Variants in LITAF observed in about 807,000 individuals in gnomAD.
The protein encoded by LITAF is lipopolysaccharide-induced tumor necrosis factor-alpha factor.
LITAF carries 9 observed loss-of-function variants against 14.5 expected under a neutral mutation model. The observed-to-expected ratio is 0.62, with a 90% CI of 0.37 to 1.08. LITAF has a LOEUF of 1.08. LITAF is among the 50% of genes least tolerant of loss of function. The pLI, the probability that LITAF is intolerant of heterozygous loss-of-function variation, is 0.01. For missense variants in LITAF, 206 were observed against 213.4 expected (o/e 0.97, Z 0.22); for synonymous variants, 98 against 88.2 (o/e 1.11, Z -0.62).
At chr16:11,602,894 C>G (rs979571318), upstream of LITAF, among the ~76,000 whole-genome samples, 14 of 151,944 alleles carry the variant, frequency 9.2e-5, no homozygotes, top group South Asian at 2.1e-4. Context: ...GAGGATTGCT[C>G]GAGGCCAGGA....
Position 11,553,812 on chromosome 16 carries a change from T to C in LITAF, c.221-123A>G. On this transcript the variant is annotated intron_variant, in intron 2 of 3. Transcript: ENST00000622633. The surrounding 1 kb of genome is among the most constrained non-coding windows in gnomAD (Gnocchi z 7.7). ...TATTATATTTGTACATTTGTGTTCA[T>C]AGCATGCGTTCATCGTCTGGCTATC... The C allele has an allele frequency of 8.8e-7, 1 of 1,132,422 alleles. No homozygotes were observed. The highest frequency in any genetic ancestry group is 1.4e-5 in the South Asian group (1 of 73,046). 70.1% of individuals were successfully genotyped at this position (1,132,422 alleles called of 1,614,324 possible). A position where few individuals can be genotyped will look rare whatever the true frequency, so the allele number is the denominator to read the frequency against.
chr16:11,556,286 A>G (rs183199583), intron 2 of LITAF: 3 of 561,998 alleles, frequency 5.3e-6, no homozygotes, highest in African/African-American at 3.7e-5. Flanking sequence ...TTCGTATATG[A>G]TGACCATGGG....
rs527627067 is a variant in LITAF, at chr16:11,564,234, A to G, written c.-5-7499T>C. Among the ~76,000 whole-genome samples the G allele has an allele frequency of 7.9e-5, 12 of 152,138 alleles. 1 individual carries two copies. The South Asian group carries it at 2.5e-3, about 32-fold the overall frequency. On this transcript the variant is annotated intron_variant, in intron 1 of 3. Coordinates refer to ENST00000622633, the MANE Select transcript of LITAF (RefSeq NM_001136472.2). ...CTCAGTTTTGTTAAAAGTGGAGGCA[A>G]AAAACCCAGGAACCCGCAGGGAGAA...
At chr16:11,600,392 G>A (rs1042914146), upstream of LITAF, among the ~76,000 whole-genome samples, 4 of 152,238 alleles carry the variant, frequency 2.6e-5, no homozygotes, top group Non-Finnish European at 4.4e-5. The surrounding 1 kb of genome is among the most constrained non-coding windows in gnomAD (Gnocchi z 4.1). Context: ...CTGTGTCCCA[G>A]ATGCCTGGCA....
intron 1 of LITAF, among the ~76,000 whole-genome samples, chr16:11,594,656 G>C (rs1389724529): frequency 1.3e-5 from 2 of 152,062 alleles, no homozygotes; most frequent in Non-Finnish European, 2.9e-5. Flanking sequence ...CAGGTGGATC[G>C]CTTGAGGCTA....
rs552828740 is a variant in LITAF at position 11,629,895 on chromosome 16, A to T, written c.85+3638T>A. Among the ~76,000 whole-genome samples the T allele has an allele frequency of 2.6e-5, 4 of 152,304 alleles. No individual in the cohort carries two copies. The South Asian group carries it at 8.3e-4, about 32-fold the overall frequency. On this transcript the variant is annotated intron_variant, in intron 3 of 3. Transcript: ENST00000574848. The stretch of plus-strand genomic sequence containing the variant: ...CAGCCTGGCGCATGGCAAGTGCTCA[A>T]CAAATCATGGCTCTGCAAACATCTC...
intron 1 of LITAF, among the ~76,000 whole-genome samples, chr16:11,566,846 C>T (rs8048521): frequency 0.23 from 34,953 of 151,820 alleles, 4,286 homozygotes; most frequent in East Asian, 0.39. Context: ...GAAGGGCTTA[C>T]TCCAATAGCT....
Position 11,553,761 on chromosome 16 carries a change from G to A in LITAF, c.221-72C>T, listed in dbSNP as rs767011889. 1.6e-5 allele frequency: 25 copies of A among 1,540,666 alleles called. No individual in the cohort carries two copies. Among genetic ancestry groups the A allele is most frequent in the South Asian group, 4.5e-5 (4 of 88,730 alleles). On this transcript the variant is annotated intron_variant, in intron 2 of 3. Transcript: ENST00000622633. This position sits in a 1 kb window ranked among gnomAD's most constrained non-coding sequence, Gnocchi z 7.7. ...CCAATAGCATTCACTACAGGACAAA[G>A]AGAGGAACGCAGGGATGCCAGCAAA...
chr16:11,604,316 T>C (rs1306960312), intron 3 of LITAF, among the ~76,000 whole-genome samples: 1 of 152,188 alleles, frequency 6.6e-6, no homozygotes, highest in Non-Finnish European at 1.5e-5. Context: ...AGAGCTGACC[T>C]CTCATGAGCC....
At chr16:11,598,030 C>G (rs777640451) in intron 1 of LITAF, among the ~76,000 whole-genome samples, 1 of 152,170 alleles carries the variant, frequency 6.6e-6, no homozygotes, top group Non-Finnish European at 1.5e-5. Flanking sequence ...CTCAGACACC[C>G]GAGTAGCTGG....
upstream of LITAF, chr16:11,587,278 C>T: frequency 2.3e-6 from 1 of 425,652 alleles, no homozygotes; most frequent in Non-Finnish European, 4.7e-6. Flanking sequence ...GCTCGCGGCT[C>T]TCCCCACTTT....
chr16:11,602,042 A>G (rs1287257700), upstream of LITAF, among the ~76,000 whole-genome samples: 1 of 152,218 alleles, frequency 6.6e-6, no homozygotes, highest in African/African-American at 2.4e-5. Context: ...AAATACCTCC[A>G]GAAAAACCAC....
chr16:11,555,321 A>AC (rs1240865242), intron 2 of LITAF, among the ~76,000 whole-genome samples: 1 of 152,074 alleles, frequency 6.6e-6, no homozygotes, highest in Non-Finnish European at 1.5e-5. Flanking sequence ...AAGCCACCAC[A>AC]CCCTGTTCAT....
intron 3 of LITAF, among the ~76,000 whole-genome samples, chr16:11,612,269 C>A (rs1172205325): frequency 6.6e-6 from 1 of 152,198 alleles, no homozygotes; most frequent in African/African-American, 2.4e-5. Context: ...CAGACCAGGT[C>A]ATTTCCCAGC....
In LITAF at chr16:11,585,725, A is replaced by C. The variant is rs74820971; in HGVS notation, c.-6+1161T>G. Reference sequence around the variant, plus strand: ...TCATGGCTTTCCTAAAGAGGACCCCAAGCTGGGCTTCAGACAGTCTTTGAA... The same window carrying C: ...TCATGGCTTTCCTAAAGAGGACCCCCAGCTGGGCTTCAGACAGTCTTTGAA... On this transcript the variant is annotated intron_variant, in intron 1 of 3. Transcript: ENST00000622633. 4.7e-3 allele frequency among the ~76,000 whole-genome samples: 716 copies of C among 152,316 alleles called. 4 individuals carry two copies. The highest frequency in any genetic ancestry group is 0.016 in the African/African-American group (683 of 41,582).
rs1391903853 is a variant in LITAF at position 11,549,990 on chromosome 16, C to A, written c.378-245G>T. 6.6e-6 allele frequency among the ~76,000 whole-genome samples: 1 copy of A among 152,154 alleles called. No individual in the cohort carries two copies. Among genetic ancestry groups the A allele is most frequent in the Non-Finnish European group, 1.5e-5 (1 of 68,038 alleles). The stretch of plus-strand genomic sequence containing the variant: ...GGAAATGTGAAGACAGAGGCAGAAG[C>A]TGGAGTGATGAGGCCATAAGCCAAG... On this transcript the variant is annotated intron_variant, in intron 3 of 3. Transcript: ENST00000622633. This position sits in a 1 kb window ranked among gnomAD's most constrained non-coding sequence, Gnocchi z 4.6.
chr16:11,589,591 T>C (rs969131426), upstream of LITAF, among the ~76,000 whole-genome samples: 5 of 151,874 alleles, frequency 3.3e-5, no homozygotes, highest in Admixed American at 3.3e-4. Flanking sequence ...AGTTGTGGGA[T>C]TTAAGATTAA....
In LITAF at chr16:11,597,867, G is replaced by A. The variant is rs373407567; in HGVS notation, c.-6+521C>T. Among the ~76,000 whole-genome samples the A allele has an allele frequency of 2.6e-5, 4 of 152,278 alleles. No individual in the cohort carries two copies. The South Asian group carries it at 6.2e-4, about 24-fold the overall frequency. ...GGGTTGAGGAGCTAAAGGCCCCACAGCCAGGCTGGAAATGGGACAAAACCC... is the reference window on the plus strand; with the variant it reads ...GGGTTGAGGAGCTAAAGGCCCCACAACCAGGCTGGAAATGGGACAAAACCC... On this transcript the variant is annotated intron_variant, in intron 1 of 3. Coordinates refer to the LITAF transcript ENST00000571627.
intron 1 of LITAF, among the ~76,000 whole-genome samples, chr16:11,559,493 G>C (rs564224830): frequency 1.3e-5 from 2 of 152,048 alleles, no homozygotes; most frequent in South Asian, 4.2e-4. Flanking sequence ...AGATCAAAAT[G>C]TTTTTTGATA....
Sources: gnomAD v4.1 joint callset for allele counts (sites outside exome capture counted in the v4.1 genomes callset) on GRCh38, gnomAD v4.1.1 for gene constraint, Gnocchi (gnomAD v3.1) non-coding constraint, MANE v1.5 for transcripts, NCBI Gene and HGNC (gene_info 2026-07-23, HGNC 2026-07-21) for gene names.